Variants in PPARGC1A observed in about 807,000 individuals in gnomAD.
PPARGC1A encodes the protein peroxisome proliferator-activated receptor gamma coactivator 1-alpha.
Under a neutral mutation model 88.7 loss-of-function variants are expected in PPARGC1A, and 25 were observed. The observed-to-expected ratio is 0.28, with a 90% CI of 0.21 to 0.39. PPARGC1A has a LOEUF of 0.39. Among genes scored for constraint, PPARGC1A ranks in the 10% least tolerant of loss-of-function variants. PPARGC1A has a pLI of 1.00. For synonymous variants in PPARGC1A, 363 were observed against 355.6 expected, an observed-to-expected ratio of 1.02 and a Z score of -0.24; for missense variants, 880 against 968.7, an observed-to-expected ratio of 0.91 and a Z score of 1.22.
the PPARGC1A span, among the ~76,000 whole-genome samples, chr4:24,176,571 T>C: frequency 2.6e-5 from 4 of 152,286 alleles, no homozygotes; most frequent in South Asian, 8.3e-4. Context: ...AGATAGAATC[T>C]ATTCATTGAA....
rs540916467 is a variant in PPARGC1A at position 23,873,967 on chromosome 4, A to G, written c.234+10785T>C. ...AGCTAGTGCTTTGGAGGGAGGGGAG[A>G]AAAGGAACCCATCAACAGTAATATC... On this transcript the variant is annotated intron_variant, in intron 2 of 12. Coordinates refer to ENST00000264867, the MANE Select transcript of PPARGC1A (RefSeq NM_013261.5). Among the ~76,000 whole-genome samples, 4 of 152,296 alleles carry G rather than the reference A, an allele frequency of 2.6e-5. No individual in the cohort carries two copies. In the South Asian group the frequency reaches 6.2e-4, roughly 24 times the overall value.
chr4:24,249,307 CAT>C, the PPARGC1A span, among the ~76,000 whole-genome samples: 1 of 152,060 alleles, frequency 6.6e-6, no homozygotes, highest in African/African-American at 2.4e-5. Flanking sequence ...AAGTAAAAAT[CAT>C]AGAGTTATTC....
the PPARGC1A span, among the ~76,000 whole-genome samples, chr4:23,922,936 T>C: frequency 2.6e-5 from 4 of 152,158 alleles, no homozygotes; most frequent in African/African-American, 7.2e-5. Context: ...TCAAGGAAGT[T>C]GGCCGAAACT....
chr4:24,164,404 C>T, the PPARGC1A span, among the ~76,000 whole-genome samples: 2 of 152,170 alleles, frequency 1.3e-5, no homozygotes, highest in Non-Finnish European at 2.9e-5. Flanking sequence ...TGAGAAGGTT[C>T]ACTGCCTCTC....
chr4:24,338,112 G>C, the PPARGC1A span, among the ~76,000 whole-genome samples: 1 of 152,220 alleles, frequency 6.6e-6, no homozygotes, highest in South Asian at 2.1e-4. Context: ...AATTATAAAA[G>C]ATCCATGATG....
chr4:24,365,623 C>T, the PPARGC1A span, among the ~76,000 whole-genome samples: 5 of 152,148 alleles, frequency 3.3e-5, no homozygotes, highest in African/African-American at 1.2e-4. Flanking sequence ...ATCACAGGTG[C>T]AGCTGTATTG....
chr4:23,985,077 C>T, the PPARGC1A span, among the ~76,000 whole-genome samples: 4 of 152,086 alleles, frequency 2.6e-5, no homozygotes, highest in African/African-American at 7.2e-5. Context: ...ACAGAACGTT[C>T]GTGAAAGTTT....
At chr4:24,232,186 A>G in the PPARGC1A span, among the ~76,000 whole-genome samples, 1 of 149,770 alleles carries the variant, frequency 6.7e-6, no homozygotes, top group Non-Finnish European at 1.5e-5. Context: ...TTCTTGAGAG[A>G]GGGACAGGAA....
intron 7 of PPARGC1A, among the ~76,000 whole-genome samples, chr4:23,821,821 G>A (rs181611862): frequency 3.3e-5 from 5 of 151,778 alleles, no homozygotes; most frequent in Non-Finnish European, 5.9e-5. Context: ...CACTAGATGG[G>A]AGGTCATTCA....
the PPARGC1A span, among the ~76,000 whole-genome samples, chr4:24,345,373 G>T: frequency 6.6e-6 from 1 of 151,838 alleles, no homozygotes; most frequent in Non-Finnish European, 1.5e-5. Flanking sequence ...TCACAATATT[G>T]ATTCTACCCG....
chr4:23,847,001 G>A (rs749263653), intron 2 of PPARGC1A, among the ~76,000 whole-genome samples: 19 of 151,968 alleles, frequency 1.3e-4, no homozygotes, highest in Admixed American at 7.9e-4. Context: ...GACTCTCAAT[G>A]TTGGCTTTAA....
At chr4:24,246,588 C>G in the PPARGC1A span, among the ~76,000 whole-genome samples, 1 of 152,072 alleles carries the variant, frequency 6.6e-6, no homozygotes, top group Non-Finnish European at 1.5e-5. Flanking sequence ...TGCACTCCAG[C>G]CTGCGTGACA....
rs1400213633 is a variant in PPARGC1A, at chr4:23,795,352, A to C, written c.*470T>G. 1 of 147,016 alleles carries C rather than the reference A, an allele frequency of 6.8e-6. No individual in the cohort carries two copies. The highest frequency in any genetic ancestry group is 1.5e-5 in the Non-Finnish European group (1 of 67,154). The allele number at this position is 147,016 out of a possible 1,614,324, so 9.1% of individuals were successfully genotyped here. On this transcript the variant is annotated 3_prime_UTR_variant, in exon 13 of 13. Coordinates refer to ENST00000264867, the MANE Select transcript of PPARGC1A (RefSeq NM_013261.5). ...ATATTTCCTTTTGAATAGAATACGA[A>C]CATTTTGAAGTTCTAGGTTTTAAGC...
chr4:24,336,563 C>T, the PPARGC1A span, among the ~76,000 whole-genome samples: 4 of 152,252 alleles, frequency 2.6e-5, no homozygotes, highest in Admixed American at 2.6e-4. Context: ...CACGTTTGTT[C>T]ATATATATCA....
the PPARGC1A span, among the ~76,000 whole-genome samples, chr4:24,222,877 A>T: frequency 6.6e-6 from 1 of 152,210 alleles, no homozygotes; most frequent in African/African-American, 2.4e-5. Context: ...CTGGCTACTA[A>T]TCTATCTTAT....
At chr4:23,972,313 A>T in the PPARGC1A span, among the ~76,000 whole-genome samples, 1 of 152,214 alleles carries the variant, frequency 6.6e-6, no homozygotes, top group Non-Finnish European at 1.5e-5. Context: ...TCCTGCAAAT[A>T]AACAGCAGTT....
chr4:24,069,935 G>A, the PPARGC1A span, among the ~76,000 whole-genome samples: 1 of 152,286 alleles, frequency 6.6e-6, no homozygotes, highest in East Asian at 1.9e-4. Flanking sequence ...GCCTGGCTGA[G>A]CAGAAAGAGC....
At chr4:24,389,560 G>A in the PPARGC1A span, among the ~76,000 whole-genome samples, 7 of 152,014 alleles carry the variant, frequency 4.6e-5, no homozygotes, top group Admixed American at 2.6e-4. Flanking sequence ...AAATAGACCT[G>A]GATCATAATA....
the PPARGC1A span, among the ~76,000 whole-genome samples, chr4:23,963,230 T>C: frequency 2.0e-5 from 3 of 152,312 alleles, no homozygotes; most frequent in East Asian, 1.9e-4. Flanking sequence ...GGAAAATAGC[T>C]AGGGATATTC....
Sources: gnomAD v4.1 joint callset for allele counts (sites outside exome capture counted in the v4.1 genomes callset) on GRCh38, gnomAD v4.1.1 for gene constraint, MANE v1.5 for transcripts, NCBI Gene and HGNC (gene_info 2026-07-23, HGNC 2026-07-21) for gene names.